The following VWA8 variants were observed in gnomAD, a reference collection of about 807,000 sequenced individuals.
VWA8 encodes the protein von Willebrand factor A domain containing 8.
VWA8 carries 221 observed loss-of-function variants against 241.5 expected under a neutral mutation model. The ratio of observed to expected loss-of-function variants is 0.91; its 90% CI spans 0.82 to 1.02. The LOEUF (loss-of-function observed/expected upper bound fraction) is 1.02, where lower values mean the gene tolerates loss of function less well. VWA8 is among the 50% of genes least tolerant of loss of function. The pLI is 0.00. For missense variants in VWA8, 2,322 were observed against 2,328.7 expected, an observed-to-expected ratio of 1.00 and a Z score of 0.06; for synonymous variants, 852 against 827.1, an observed-to-expected ratio of 1.03 and a Z score of -0.52.
intron 21 of VWA8, among the ~76,000 whole-genome samples, chr13:41,754,320 T>A (rs2045678032): frequency 6.6e-6 from 1 of 152,150 alleles, no homozygotes; most frequent in Admixed American, 6.6e-5. Context: ...ACAAGCTCTC[T>A]TCTCTTGTCT....
intron 12 of VWA8, among the ~76,000 whole-genome samples, chr13:41,862,009 A>G (rs894783972): frequency 1.3e-5 from 2 of 152,218 alleles, no homozygotes; most frequent in Non-Finnish European, 2.9e-5. Context: ...AACAAAAACA[A>G]CAAAACCTGA....
intron 21 of VWA8, among the ~76,000 whole-genome samples, chr13:41,740,987 CAGCGAGGCTCTGCCTGATCAACCT>C (rs1208804417): frequency 6.6e-6 from 1 of 152,222 alleles, no homozygotes; most frequent in Non-Finnish European, 1.5e-5. Flanking sequence ...TCAACCTTCT[CAGCGAGGCTCTGCCTGATCAACCT>C]ATTAAAACTG....
chr13:41,579,945 C>T (rs144583718), intron 42 of VWA8, among the ~76,000 whole-genome samples: 4,993 of 152,146 alleles, frequency 0.033, 289 homozygotes, highest in African/African-American at 0.11. Context: ...CTCCTGGGCT[C>T]AAGTAATCCT....
chr13:41,724,221 T>C (rs891741663), intron 24 of VWA8, among the ~76,000 whole-genome samples: 1 of 152,130 alleles, frequency 6.6e-6, no homozygotes, highest in Non-Finnish European at 1.5e-5. Flanking sequence ...AAAAATCTGA[T>C]TAGAATGGAA....
intron 39 of VWA8, among the ~76,000 whole-genome samples, chr13:41,606,685 T>C (rs538178126): frequency 6.6e-6 from 1 of 152,286 alleles, no homozygotes; most frequent in African/African-American, 2.4e-5. Flanking sequence ...TATTCCTCCC[T>C]GTCAGGTTGA....
chr13:41,856,109 G>T (rs991562541), intron 12 of VWA8, among the ~76,000 whole-genome samples: 5 of 152,160 alleles, frequency 3.3e-5, no homozygotes, highest in African/African-American at 1.2e-4. Flanking sequence ...GCCAAGGTGG[G>T]CAGATCACTT....
intron 37 of VWA8, among the ~76,000 whole-genome samples, chr13:41,639,715 T>C (rs569858859): frequency 1.9e-4 from 29 of 152,320 alleles, no homozygotes; most frequent in African/African-American, 2.2e-4. Context: ...AAGGGTTTCA[T>C]TGAGTACCCA....
rs1872310204 is a variant in VWA8 at position 41,846,808 on chromosome 13, A to G, written c.1426-13277T>C. Among the ~76,000 whole-genome samples, 3 of 152,168 alleles carry G rather than the reference A, an allele frequency of 2.0e-5. No individual in the cohort carries two copies. In the South Asian group the frequency reaches 6.2e-4, roughly 32 times the overall value. On this transcript the variant is annotated intron_variant, in intron 12 of 44. Coordinates refer to ENST00000379310, the MANE Select transcript of VWA8 (RefSeq NM_015058.2). ...TCCCAGCACTTTGGGAGGCCAAGGT[A>G]GGCGGATCACCTGAGGCCAGGAGTT...
intron 37 of VWA8, among the ~76,000 whole-genome samples, chr13:41,657,134 T>C (rs1289006507): frequency 6.6e-6 from 1 of 152,094 alleles, no homozygotes; most frequent in African/African-American, 2.4e-5. Context: ...ACATGCCCCT[T>C]TGGCTGAGGT....
At chr13:41,612,189 TA>T (rs2044593460) in intron 38 of VWA8, among the ~76,000 whole-genome samples, 1 of 152,242 alleles carries the variant, frequency 6.6e-6, no homozygotes, top group Non-Finnish European at 1.5e-5. Flanking sequence ...TAGTTTTCCT[TA>T]AAAAACCTAG....
intron 36 of VWA8, among the ~76,000 whole-genome samples, chr13:41,672,222 C>A (rs2045030764): frequency 6.6e-6 from 1 of 152,158 alleles, no homozygotes; most frequent in African/African-American, 2.4e-5. Flanking sequence ...AGTTACGTGA[C>A]TCTATAACAA....
intron 18 of VWA8, among the ~76,000 whole-genome samples, chr13:41,784,161 CAAAA>C (rs1382866726): frequency 6.7e-6 from 1 of 149,226 alleles, no homozygotes; most frequent in Non-Finnish European, 1.5e-5. Flanking sequence ...AAAAACAAAA[CAAAA>C]AACCAGAATA....
intron 21 of VWA8, among the ~76,000 whole-genome samples, chr13:41,747,541 C>T (rs949179196): frequency 2.0e-5 from 3 of 152,172 alleles, no homozygotes; most frequent in African/African-American, 7.2e-5. Flanking sequence ...ATGTCACCTG[C>T]AAACAGGGAC....
At chr13:41,645,098 A>T (rs1289064372) in intron 37 of VWA8, among the ~76,000 whole-genome samples, 1 of 152,220 alleles carries the variant, frequency 6.6e-6, no homozygotes, top group Non-Finnish European at 1.5e-5. Context: ...AAGGCACTTC[A>T]TCTGTAAAAC....
chr13:41,601,452 G>C (rs9590614), intron 40 of VWA8, among the ~76,000 whole-genome samples: 46,851 of 151,972 alleles, frequency 0.31, 7,963 homozygotes, highest in Non-Finnish European at 0.39. Context: ...TGTTCATGGA[G>C]ATACCATGCT....
In VWA8 at chr13:41,770,437, T is replaced by C. The variant is rs572444490; in HGVS notation, c.2349+7548A>G. On this transcript the variant is annotated intron_variant, in intron 20 of 44. Transcript: ENST00000379310. ...GCCTGGGCGACAGAGCGAGACTCCG[T>C]TTCAAAAAAAAAAAAAAAAAGAAAA... 1.5e-3 allele frequency among the ~76,000 whole-genome samples: 165 copies of C among 109,982 alleles called. 1 individual carries two copies. In the East Asian group the frequency reaches 0.038, roughly 25 times the overall value. 72.2% of individuals were successfully genotyped at this position (109,982 alleles called of 152,430 possible).
chr13:41,784,725 T>TACAC lies in VWA8; in HGVS notation c.2171-825_2171-824insGTGT, dbSNP rs1429604143. The stretch of plus-strand genomic sequence containing the variant: ...ATATATATATATATATATATATATA[T>TACAC]ATATACACACACATATATATATATA... On this transcript the variant is annotated intron_variant, in intron 18 of 44. Transcript: ENST00000379310. Among the ~76,000 whole-genome samples the TACAC allele has an allele frequency of 2.0e-4, 12 of 59,888 alleles. 1 individual carries two copies. In the South Asian group the frequency reaches 3.7e-3, roughly 18 times the overall value. 39.3% of individuals were successfully genotyped at this position (59,888 alleles called of 152,430 possible).
chr13:41,855,853 C>T (rs1320312281), intron 12 of VWA8, among the ~76,000 whole-genome samples: 1 of 152,200 alleles, frequency 6.6e-6, no homozygotes, highest in Non-Finnish European at 1.5e-5. Flanking sequence ...AGATGGAACA[C>T]AGCCACACTC....
chr13:41,628,812 G>A (rs1260346920), intron 37 of VWA8, among the ~76,000 whole-genome samples: 3 of 152,184 alleles, frequency 2.0e-5, no homozygotes, highest in Admixed American at 1.3e-4. Flanking sequence ...GGAGGCCAAG[G>A]TGGGCAGATC....
Sources: gnomAD v4.1 joint callset for allele counts (sites outside exome capture counted in the v4.1 genomes callset) on GRCh38, gnomAD v4.1.1 for gene constraint, MANE v1.5 for transcripts, NCBI Gene and HGNC (gene_info 2026-07-23, HGNC 2026-07-21) for gene names.